The following DCC variants were observed in gnomAD, a reference collection of about 807,000 sequenced individuals.
The protein encoded by DCC is netrin receptor DCC.
A neutral mutation model predicts 172.5 loss-of-function variants in DCC; 58 were observed. The observed-to-expected ratio is 0.34, with a 90% CI of 0.27 to 0.42. The LOEUF is 0.42. Ranked by LOEUF, DCC falls within the 10% of genes least tolerant of loss-of-function variation. The pLI is 1.00. For missense variants in DCC, 1,740 were observed against 1,791.0 expected (o/e 0.97, Z 0.51); for synonymous variants, 709 against 644.5 (o/e 1.10, Z -1.52).
At chr18:52,743,749 T>C (rs1206201013) in intron 1 of DCC, among the ~76,000 whole-genome samples, 2 of 152,210 alleles carry the variant, frequency 1.3e-5, no homozygotes, top group African/African-American at 4.8e-5. Context: ...GTGGGCTCAC[T>C]AAGAGATTTC....
chr18:52,613,254 C>A (rs1258022201), intron 1 of DCC, among the ~76,000 whole-genome samples: 1 of 151,654 alleles, frequency 6.6e-6, no homozygotes, highest in Non-Finnish European at 1.5e-5. Flanking sequence ...TTGTTTTTTT[C>A]TTGTTTTGTT....
At chr18:53,066,348 T>A (rs1186348890) in intron 7 of DCC, among the ~76,000 whole-genome samples, 182 bp downstream of exon 7, 1 of 75,834 alleles carries the variant, frequency 1.3e-5, no homozygotes, top group East Asian at 2.8e-4. Context: ...TGTGTGTACA[T>A]GTGTGTATAT....
chr18:53,199,627 C>G (rs554851228), intron 9 of DCC, among the ~76,000 whole-genome samples: 186 of 150,100 alleles, frequency 1.2e-3, no homozygotes, highest in African/African-American at 3.9e-3. Flanking sequence ...TATATATGAC[C>G]TATAAATCAA....
At chr18:52,847,585 C>T (rs754662627) in intron 2 of DCC, among the ~76,000 whole-genome samples, 1 of 152,150 alleles carries the variant, frequency 6.6e-6, no homozygotes, top group East Asian at 1.9e-4. Context: ...ATATAAAGAT[C>T]GTACCATCAC....
In DCC at chr18:53,532,043, T is replaced by C. The variant is rs1598857896; in HGVS notation, c.*1390T>C. On this transcript the variant is annotated 3_prime_UTR_variant, in exon 29 of 29. Coordinates refer to ENST00000442544, the MANE Select transcript of DCC (RefSeq NM_005215.4). ...AATTTTCAGCTGCATTTGGAGTTAA[T>C]CCCTGTTTATGCAGCTGAATCGCCA... The C allele has an allele frequency of 6.6e-6, 1 of 152,174 alleles. No homozygotes were observed. The allele number at this position is 152,174 out of a possible 1,614,324, so 9.4% of individuals were successfully genotyped here.
intron 1 of DCC, among the ~76,000 whole-genome samples, chr18:52,655,663 A>G (rs989831049): frequency 5.9e-5 from 9 of 152,154 alleles, no homozygotes; most frequent in Non-Finnish European, 1.0e-4. Context: ...AAGTAATGAT[A>G]TTTTAAAGGA....
intron 7 of DCC, among the ~76,000 whole-genome samples, chr18:53,133,522 T>A (rs890959365): frequency 2.0e-5 from 3 of 152,184 alleles, no homozygotes; most frequent in African/African-American, 7.2e-5. Context: ...GTTTTATTCC[T>A]TTCTTGGGAG....
chr18:52,879,412 C>CTTTTTTGTTTTTTTTTTTTTTTT (rs2039448543), intron 2 of DCC, among the ~76,000 whole-genome samples: 2 of 62,356 alleles, frequency 3.2e-5, no homozygotes, highest in Non-Finnish European at 5.8e-5. Flanking sequence ...TGTTGTTTGG[C>CTTTTTTGTTTTTTTTTTTTTTTT]TTTTTTTTTT....
intron 27 of DCC, among the ~76,000 whole-genome samples, chr18:53,508,779 C>T (rs1041147109): frequency 2.6e-5 from 4 of 152,194 alleles, no homozygotes; most frequent in Non-Finnish European, 5.9e-5. Flanking sequence ...GTCAGAGCAA[C>T]TGCTCAGAGC....
chr18:52,916,926 ATAAT>A (rs1422339049), intron 3 of DCC, among the ~76,000 whole-genome samples: 2 of 152,058 alleles, frequency 1.3e-5, no homozygotes, highest in African/African-American at 4.8e-5. Flanking sequence ...ATACTCAATA[ATAAT>A]TTTGTTTTGG....
chr18:52,950,832 A>G (rs1019208760), intron 5 of DCC, among the ~76,000 whole-genome samples: 2 of 147,762 alleles, frequency 1.4e-5, no homozygotes, highest in Non-Finnish European at 3.0e-5. Flanking sequence ...GGCTGTGGCA[A>G]GAGAATGGCG....
chr18:53,512,901 A>T (rs1392632632), intron 27 of DCC, among the ~76,000 whole-genome samples: 1 of 152,224 alleles, frequency 6.6e-6, no homozygotes, highest in Admixed American at 6.5e-5. Flanking sequence ...GATATTATCC[A>T]GGAGAACTTC....
At chr18:53,027,269 C>A (rs1297717294) in intron 5 of DCC, among the ~76,000 whole-genome samples, 2 of 152,066 alleles carry the variant, frequency 1.3e-5, no homozygotes, top group East Asian at 1.9e-4. Flanking sequence ...GGAGTAAAAT[C>A]CACTGTTTAT....
At chr18:53,367,252 GA>G in intron 15 of DCC, among the ~76,000 whole-genome samples, 1 of 150,136 alleles carries the variant, frequency 6.7e-6, no homozygotes, top group African/African-American at 2.4e-5. Flanking sequence ...AATGTAAGAT[GA>G]ACAGCTTATG....
chr18:53,361,307 A>C (rs1470466827), intron 15 of DCC, among the ~76,000 whole-genome samples: 3 of 152,182 alleles, frequency 2.0e-5, no homozygotes, highest in Non-Finnish European at 4.4e-5. Context: ...TTGTTATGGC[A>C]GCTCTAGAAA....
chr18:52,785,583 A>G (rs2037642021), intron 2 of DCC, among the ~76,000 whole-genome samples: 1 of 152,056 alleles, frequency 6.6e-6, no homozygotes, highest in Admixed American at 6.6e-5. Flanking sequence ...AAGGGTCCTC[A>G]GAAGAAAGGT....
At chr18:53,335,300 C>T (rs1405349356) in intron 14 of DCC, among the ~76,000 whole-genome samples, 1 of 152,154 alleles carries the variant, frequency 6.6e-6, no homozygotes, top group African/African-American at 2.4e-5. Context: ...CAGCATAGCA[C>T]TTATCAAGAT....
chr18:52,438,826 T>C (rs1987878766), intron 1 of DCC, among the ~76,000 whole-genome samples: 1 of 152,174 alleles, frequency 6.6e-6, no homozygotes, highest in Admixed American at 6.5e-5. Flanking sequence ...AGTTGTGTTA[T>C]GCAATAAGAG....
intron 1 of DCC, among the ~76,000 whole-genome samples, chr18:52,527,942 A>T (rs74667636): frequency 3.3e-5 from 5 of 152,244 alleles, no homozygotes; most frequent in Non-Finnish European, 7.3e-5. Context: ...AGCCCATTTT[A>T]CTTGTAATAC....
Sources: allele counts gnomAD v4.1 joint callset (sites outside exome capture counted in the v4.1 genomes callset), GRCh38; gene constraint gnomAD v4.1.1; transcripts MANE v1.5; gene names NCBI Gene and HGNC (gene_info 2026-07-23, HGNC 2026-07-21).